Variants in MAGI2 observed in about 807,000 individuals in gnomAD.
MAGI2 encodes membrane-associated guanylate kinase, WW and PDZ domain-containing protein 2.
MAGI2 carries 35 observed loss-of-function variants against 133.3 expected under a neutral mutation model. The ratio of observed to expected loss-of-function variants is 0.26; its 90% CI spans 0.20 to 0.35. The LOEUF is 0.35. MAGI2 is among the 10% of genes least tolerant of loss of function. MAGI2 has a pLI of 1.00. For synonymous variants in MAGI2, 729 were observed against 710.6 expected (o/e 1.03, Z -0.41); for missense variants, 1,636 against 1,863.4 (o/e 0.88, Z 2.25).
At chr7:78,490,885 G>T (rs1352876075) in intron 5 of MAGI2, among the ~76,000 whole-genome samples, 2 of 152,040 alleles carry the variant, frequency 1.3e-5, no homozygotes, top group African/African-American at 4.8e-5. Flanking sequence ...AAAGGCACAG[G>T]TGTGGGAAAG....
At chr7:79,328,283 G>A (rs893060909) in intron 1 of MAGI2, among the ~76,000 whole-genome samples, 1 of 152,106 alleles carries the variant, frequency 6.6e-6, no homozygotes, top group Non-Finnish European at 1.5e-5. Flanking sequence ...AAATACCTAT[G>A]TCTTACTTAT....
chr7:78,363,048 T>C (rs903471907), intron 7 of MAGI2, among the ~76,000 whole-genome samples: 4 of 152,200 alleles, frequency 2.6e-5, no homozygotes, highest in Non-Finnish European at 5.9e-5. Context: ...AAATAATGCC[T>C]TACACATTGG....
intron 1 of MAGI2, among the ~76,000 whole-genome samples, chr7:79,257,828 C>A (rs1833801804): frequency 6.6e-6 from 1 of 151,970 alleles, no homozygotes; most frequent in Non-Finnish European, 1.5e-5. Flanking sequence ...ATAAGAGACA[C>A]ACAGTTATTG....
chr7:78,077,340 A>G (rs1815430391), intron 21 of MAGI2, among the ~76,000 whole-genome samples: 1 of 152,078 alleles, frequency 6.6e-6, no homozygotes, highest in South Asian at 2.1e-4. Flanking sequence ...CCAAGAGTTC[A>G]GATTCTTTAC....
intron 2 of MAGI2, among the ~76,000 whole-genome samples, chr7:78,999,886 A>G (rs1806682776): frequency 6.6e-6 from 1 of 152,198 alleles, no homozygotes; most frequent in African/African-American, 2.4e-5. Flanking sequence ...ATAAATATCA[A>G]ATTCATTCTC....
intron 1 of MAGI2, among the ~76,000 whole-genome samples, chr7:79,426,959 GA>G (rs918457061): frequency 2.0e-5 from 3 of 151,584 alleles, no homozygotes; most frequent in African/African-American, 7.3e-5. Context: ...CCTAAAAAAG[GA>G]AAAAAAATCT....
At chr7:79,180,150 G>C (rs1826482333) in intron 1 of MAGI2, among the ~76,000 whole-genome samples, 1 of 151,968 alleles carries the variant, frequency 6.6e-6, no homozygotes, top group African/African-American at 2.4e-5. Context: ...ATGAGCAACA[G>C]GTATATGAAG....
At chr7:78,641,530 T>G (rs2150989270) in intron 2 of MAGI2, among the ~76,000 whole-genome samples, 1 of 152,252 alleles carries the variant, frequency 6.6e-6, no homozygotes, top group South Asian at 2.1e-4. Flanking sequence ...CTACATTAGG[T>G]TTTCGATGCT....
intron 2 of MAGI2, among the ~76,000 whole-genome samples, chr7:78,717,721 GTAT>G (rs1399352888): frequency 6.6e-6 from 1 of 152,092 alleles, no homozygotes. Flanking sequence ...ATTCTTTGAA[GTAT>G]TATTATTTTC....
At chr7:78,387,853 G>C (rs914458997) in intron 6 of MAGI2, among the ~76,000 whole-genome samples, 1 of 152,060 alleles carries the variant, frequency 6.6e-6, no homozygotes, top group African/African-American at 2.4e-5. Context: ...TTAAGCCCAG[G>C]AGGCGGAGGT....
At chr7:78,620,563 A>C (rs1036362037) in intron 3 of MAGI2, among the ~76,000 whole-genome samples, 1 of 151,948 alleles carries the variant, frequency 6.6e-6, no homozygotes, top group African/African-American at 2.4e-5. Context: ...CTCTTAATAA[A>C]ATTGCTCAAG....
At chr7:79,151,951 T>C (rs1223494812) in intron 1 of MAGI2, among the ~76,000 whole-genome samples, 2 of 152,224 alleles carry the variant, frequency 1.3e-5, no homozygotes, top group South Asian at 4.1e-4. Flanking sequence ...TCAAAACCTG[T>C]CCTCATTTTG....
chr7:78,810,492 C>A (rs565752637), intron 2 of MAGI2, among the ~76,000 whole-genome samples: 1 of 152,152 alleles, frequency 6.6e-6, no homozygotes, highest in Non-Finnish European at 1.5e-5. Flanking sequence ...TAAACAGAGT[C>A]CTCAGATTAT....
At chr7:78,557,859 T>C (rs10264204) in intron 3 of MAGI2, among the ~76,000 whole-genome samples, 45,690 of 152,066 alleles carry the variant, frequency 0.3, 7,661 homozygotes, top group East Asian at 0.65. Context: ...CAATTGAACA[T>C]GTACATGTAA....
At chr7:78,564,544 A>G (rs1800736017) in intron 3 of MAGI2, among the ~76,000 whole-genome samples, 1 of 152,260 alleles carries the variant, frequency 6.6e-6, no homozygotes, top group Non-Finnish European at 1.5e-5. Flanking sequence ...TTTGATTATA[A>G]TAAGGTTTTT....
Position 78,291,984 on chromosome 7 carries a change from T to C in MAGI2, c.1409-35403A>G, listed in dbSNP as rs559360914. ...AACCCACAGCCAATATCATACTGAA[T>C]GGGCAAAAACTGGAAGCATTCCCTT... On this transcript the variant is annotated intron_variant, in intron 9 of 21. Coordinates refer to ENST00000354212, the MANE Select transcript of MAGI2 (RefSeq NM_012301.4). Among the ~76,000 whole-genome samples, 337 of 152,272 alleles carry C rather than the reference T, an allele frequency of 2.2e-3. 2 individuals carry two copies. Among genetic ancestry groups the C allele is most frequent in the Non-Finnish European group, 2.9e-3 (197 of 68,024 alleles).
intron 1 of MAGI2, among the ~76,000 whole-genome samples, chr7:79,334,746 G>C (rs181570128): frequency 4.0e-4 from 61 of 152,236 alleles, no homozygotes; most frequent in Admixed American, 8.5e-4. Context: ...TGAAAACTAC[G>C]TGATGCTTCC....
intron 1 of MAGI2, among the ~76,000 whole-genome samples, chr7:79,294,909 T>G (rs1390768447): frequency 6.6e-6 from 1 of 150,650 alleles, no homozygotes; most frequent in East Asian, 2.0e-4. Context: ...TTTTGTACTT[T>G]TTTTTTTTTT....
chr7:78,217,673 C>T (rs1788406673), intron 10 of MAGI2, among the ~76,000 whole-genome samples: 1 of 152,128 alleles, frequency 6.6e-6, no homozygotes, highest in East Asian at 1.9e-4. Flanking sequence ...TCTCTGACTC[C>T]AGGTCTAGAG....
Sources: allele counts gnomAD v4.1 joint callset (sites outside exome capture counted in the v4.1 genomes callset), GRCh38; gene constraint gnomAD v4.1.1; transcripts MANE v1.5; gene names NCBI Gene and HGNC (gene_info 2026-07-23, HGNC 2026-07-21).